NCKAP5: variants seen among roughly 807,000 people sequenced by gnomAD.
NCKAP5 encodes NCK associated protein 5, also known as nck-associated protein 5.
In NCKAP5, 92 loss-of-function variants were observed where a neutral mutation model predicts 167.0. The observed-to-expected ratio is 0.55, with a 90% CI of 0.47 to 0.66. The LOEUF (loss-of-function observed/expected upper bound fraction) is 0.66, where lower values mean the gene tolerates loss of function less well. NCKAP5 is among the 30% of genes least tolerant of loss of function. NCKAP5 has a pLI of 0.00. For missense variants in NCKAP5, 2,378 were observed against 2,315.0 expected, an observed-to-expected ratio of 1.03 and a Z score of -0.56; for synonymous variants, 891 against 877.4, an observed-to-expected ratio of 1.02 and a Z score of -0.27.
intron 3 of NCKAP5, among the ~76,000 whole-genome samples, chr2:133,433,141 G>A (rs1357908870): frequency 6.6e-6 from 1 of 152,160 alleles, no homozygotes; most frequent in Non-Finnish European, 1.5e-5. Context: ...GATAACTAAA[G>A]GGAACAATGA....
chr2:132,925,993 T>C (rs1238492648), intron 8 of NCKAP5, among the ~76,000 whole-genome samples: 2 of 152,230 alleles, frequency 1.3e-5, no homozygotes, highest in African/African-American at 4.8e-5. Flanking sequence ...CTGAAGAGTG[T>C]ACATTGTATC....
At chr2:132,844,620 T>C (rs374163527) in intron 11 of NCKAP5, among the ~76,000 whole-genome samples, 38 of 152,330 alleles carry the variant, frequency 2.5e-4, no homozygotes, top group African/African-American at 8.2e-4. Flanking sequence ...TCATGAAATA[T>C]GGTTTAACTT....
intron 4 of NCKAP5, among the ~76,000 whole-genome samples, chr2:133,275,536 A>C (rs1186159665): frequency 6.6e-6 from 1 of 152,108 alleles, no homozygotes; most frequent in Non-Finnish European, 1.5e-5. Context: ...ATTTAAAAAT[A>C]AAAATAGAAA....
the NCKAP5 span, among the ~76,000 whole-genome samples, chr2:133,636,088 G>T: frequency 6.6e-6 from 1 of 152,204 alleles, no homozygotes; most frequent in East Asian, 1.9e-4. Flanking sequence ...TGGAAGAGTG[G>T]CTTACAGCCA....
chr2:133,477,137 T>C (rs1395239131), intron 3 of NCKAP5, among the ~76,000 whole-genome samples: 1 of 152,214 alleles, frequency 6.6e-6, no homozygotes, highest in Non-Finnish European at 1.5e-5. Flanking sequence ...TAGTCAGCAA[T>C]TAAACACTTT....
chr2:133,148,978 T>C (rs1278350161), intron 5 of NCKAP5, among the ~76,000 whole-genome samples: 4 of 152,178 alleles, frequency 2.6e-5, no homozygotes, highest in Non-Finnish European at 5.9e-5. Flanking sequence ...TTCCCTGTTA[T>C]TTCAGCAATG....
chr2:133,647,939 T>C, the NCKAP5 span, among the ~76,000 whole-genome samples: 1 of 152,030 alleles, frequency 6.6e-6, no homozygotes, highest in Non-Finnish European at 1.5e-5. Context: ...TCAAAAGATA[T>C]ATAGTGTATG....
At chr2:133,521,566 C>T (rs1684476088) in intron 2 of NCKAP5, among the ~76,000 whole-genome samples, 1 of 152,204 alleles carries the variant, frequency 6.6e-6, no homozygotes, top group Non-Finnish European at 1.5e-5. Flanking sequence ...CAAGTGCTAG[C>T]AGAGTTAGTT....
intron 6 of NCKAP5, among the ~76,000 whole-genome samples, chr2:133,066,126 T>C (rs1313501926): frequency 1.3e-5 from 2 of 152,226 alleles, no homozygotes; most frequent in African/African-American, 2.4e-5. Flanking sequence ...GGAAGCATAA[T>C]TGATGGCTAG....
chr2:132,905,362 T>G (rs1011296346), intron 8 of NCKAP5, among the ~76,000 whole-genome samples: 12 of 152,200 alleles, frequency 7.9e-5, no homozygotes, highest in Admixed American at 6.6e-5. Context: ...TTACTGTAAG[T>G]TCACATCGTT....
intron 8 of NCKAP5, among the ~76,000 whole-genome samples, chr2:132,942,124 G>C (rs11891146): frequency 6.6e-6 from 1 of 152,114 alleles, no homozygotes; most frequent in African/African-American, 2.4e-5. Flanking sequence ...AATAAGTTTT[G>C]ATAAACATAT....
chr2:133,346,139 CT>C (rs1683961380), intron 3 of NCKAP5, among the ~76,000 whole-genome samples: 1 of 152,146 alleles, frequency 6.6e-6, no homozygotes, highest in African/African-American at 2.4e-5. Context: ...TGCCTCTTAC[CT>C]AACCATGGAG....
intron 11 of NCKAP5, among the ~76,000 whole-genome samples, chr2:132,830,496 G>A (rs919868153): frequency 2.6e-5 from 4 of 152,042 alleles, no homozygotes; most frequent in Non-Finnish European, 5.9e-5. Context: ...AAGGGCTGAG[G>A]TGGAATGGGA....
intron 6 of NCKAP5, among the ~76,000 whole-genome samples, chr2:133,116,840 T>C (rs1036458370): frequency 6.6e-6 from 1 of 152,200 alleles, no homozygotes; most frequent in East Asian, 1.9e-4. Context: ...TTATCAAATA[T>C]GGATGCTAAT....
chr2:133,060,711 A>C (rs187890134), intron 6 of NCKAP5, among the ~76,000 whole-genome samples: 1 of 152,352 alleles, frequency 6.6e-6, no homozygotes, highest in East Asian at 1.9e-4. Flanking sequence ...ACACACGAGT[A>C]AAGAATATAA....
intron 19 of NCKAP5, among the ~76,000 whole-genome samples, chr2:132,688,222 T>C (rs1462044910): frequency 6.6e-6 from 1 of 152,190 alleles, no homozygotes; most frequent in Non-Finnish European, 1.5e-5. Flanking sequence ...CTATGACTGA[T>C]GATTTTAAGG....
At chr2:132,712,538 G>A (rs1022883838) in intron 19 of NCKAP5, among the ~76,000 whole-genome samples, 2 of 152,042 alleles carry the variant, frequency 1.3e-5, no homozygotes, top group African/African-American at 4.8e-5. Context: ...TGTAGTCCCA[G>A]CTACTCAGGA....
At chr2:133,146,232 TGCAACATCTAGATAAAATTAAAA>T (rs1233376614) in intron 5 of NCKAP5, among the ~76,000 whole-genome samples, 4 of 149,608 alleles carry the variant, frequency 2.7e-5, no homozygotes, top group Non-Finnish European at 5.9e-5. Context: ...CTAGATAAAA[TGCAACATCTAGATAAAATTAAAA>T]GCAACATCTA....
At chr2:133,110,667 C>G (rs2081876763) in intron 6 of NCKAP5, among the ~76,000 whole-genome samples, 2 of 152,308 alleles carry the variant, frequency 1.3e-5, no homozygotes, top group South Asian at 2.1e-4. Context: ...GGAAATCACA[C>G]ATAACCTATG....
Sources: gnomAD v4.1 joint callset for allele counts (sites outside exome capture counted in the v4.1 genomes callset) on GRCh38, gnomAD v4.1.1 for gene constraint, MANE v1.5 for transcripts, NCBI Gene and HGNC (gene_info 2026-07-23, HGNC 2026-07-21) for gene names.